The following FMN2 variants were observed in gnomAD, a reference collection of about 807,000 sequenced individuals.
FMN2 encodes the protein formin 2.
A neutral mutation model predicts 142.3 loss-of-function variants in FMN2; 51 were observed. The ratio of observed to expected loss-of-function variants is 0.36; its 90% CI spans 0.29 to 0.45. The LOEUF is 0.45. Among genes scored for constraint, FMN2 ranks in the 20% least tolerant of loss-of-function variants. The pLI, the probability that FMN2 is intolerant of heterozygous loss-of-function variation, is 1.00. For missense variants in FMN2, 1,936 were observed against 2,122.8 expected (o/e 0.91, Z 1.73); for synonymous variants, 882 against 869.8 (o/e 1.01, Z -0.25).
At chr1:240,357,381 A>G (rs1021181027) in intron 14 of FMN2, among the ~76,000 whole-genome samples, 2 of 152,174 alleles carry the variant, frequency 1.3e-5, no homozygotes, top group African/African-American at 4.8e-5. Context: ...TGTTTTCCAT[A>G]CTGAATAGTG....
intron 16 of FMN2, among the ~76,000 whole-genome samples, chr1:240,446,954 G>T (rs945512): frequency 0.76 from 114,937 of 151,986 alleles, 43,459 homozygotes; most frequent in Admixed American, 0.82. Context: ...TTAGAAAAAT[G>T]GAAGGTGTTT....
chr1:240,171,004 C>T, intron 2 of FMN2: 1 of 839,902 alleles, frequency 1.2e-6, no homozygotes, highest in Non-Finnish European at 2.1e-6. Flanking sequence ...GAGAGCAGCA[C>T]TTGAGGCATG....
intron 15 of FMN2, among the ~76,000 whole-genome samples, chr1:240,404,606 A>G (rs988094102): frequency 6.6e-6 from 1 of 152,228 alleles, no homozygotes; most frequent in African/African-American, 2.4e-5. Flanking sequence ...CAGCAGAGCA[A>G]GGCTTCCCAG....
At chr1:240,461,530 G>A (rs528019489) in intron 16 of FMN2, among the ~76,000 whole-genome samples, 1 of 152,272 alleles carries the variant, frequency 6.6e-6, no homozygotes, top group East Asian at 1.9e-4. Flanking sequence ...TCTTCTGTGG[G>A]TGCTCTCTAA....
Position 240,093,009 on chromosome 1 carries a change from G to A in FMN2, c.900G>A (p.Pro300=). Residue 300 remains proline (P), a synonymous_variant, in exon 1 of 18, where the codon CCG becomes CCA. Transcript: ENST00000319653. ...PQQPPSPGGL[P]VSEAPSLPAA... ...AACCGCCGTCCCCCGGCGGCCTCCCGGTCTCCGAGGCGCCCAGTCTCCCGG... is the reference window on the plus strand; with the variant it reads ...AACCGCCGTCCCCCGGCGGCCTCCCAGTCTCCGAGGCGCCCAGTCTCCCGG... 2.1e-6 allele frequency: 3 copies of A among 1,397,330 alleles called. No homozygotes were observed. The East Asian group carries it at 8.8e-5, about 41-fold the overall frequency. The allele number at this position is 1,397,330 out of a possible 1,614,324, so 86.6% of individuals were successfully genotyped here. A position where few individuals can be genotyped will look rare whatever the true frequency, so the allele number is the denominator to read the frequency against.
At chr1:240,209,745 A>G (rs113757198) in intron 5 of FMN2, among the ~76,000 whole-genome samples, 3,389 of 151,408 alleles carry the variant, frequency 0.022, 130 homozygotes, top group African/African-American at 0.077. Flanking sequence ...TCTACTAAAA[A>G]TACAAAAAAT....
In FMN2 at chr1:240,474,248, C is replaced by A; in HGVS notation, c.*94C>A. On this transcript the variant is annotated 3_prime_UTR_variant, in exon 18 of 18. Coordinates refer to ENST00000319653, the MANE Select transcript of FMN2 (RefSeq NM_020066.5). ...GGAGGGAAACTACCGTCATTCTGCT[C>A]ATGTTTCTTCTTGACCTCTTGCATA... The A allele has an allele frequency of 8.6e-7, 1 of 1,161,770 alleles. No individual in the cohort carries two copies. The highest frequency in any genetic ancestry group is 1.6e-5 in the South Asian group (1 of 61,342). The allele number at this position is 1,161,770 out of a possible 1,614,324, so 72.0% of individuals were successfully genotyped here.
rs199926293 is a variant in FMN2, at chr1:240,392,483, A to T, written c.4859-28A>T. ...AGTGTAACAACTTATCATTTATCTC[A>T]TGTACTTTTATTTTCTTGCACTTTC... On this transcript the variant is annotated intron_variant, in intron 14 of 17. Coordinates refer to ENST00000319653, the MANE Select transcript of FMN2 (RefSeq NM_020066.5). 3.7e-4 allele frequency: 587 copies of T among 1,596,774 alleles called. 6 individuals carry two copies. Among genetic ancestry groups the T allele is most frequent in the South Asian group, 2.1e-3 (190 of 89,892 alleles).
At chr1:240,374,248 G>A (rs1572243780) in intron 14 of FMN2, among the ~76,000 whole-genome samples, 1 of 152,196 alleles carries the variant, frequency 6.6e-6, no homozygotes, top group Non-Finnish European at 1.5e-5. Flanking sequence ...ATTCTTATAG[G>A]CTGCAGGATT....
chr1:240,123,186 G>A lies in FMN2; in HGVS notation c.1623G>A (p.Thr541=), dbSNP rs367849953. Residue 541 remains threonine, a synonymous_variant, in exon 2 of 18, where the codon ACG becomes ACA. Transcript: ENST00000319653. The part of the protein sequence containing the change: ...DGFQNVFTGR[T]LLEKLFSQQE... ...ACTGTGTTTCATCTGCAGGGCGAAC[G>A]CTGTTGGAGAAGCTGTTCAGCCAGC... 1.1e-5 allele frequency: 18 copies of A among 1,614,060 alleles called. No individual in the cohort carries two copies. In the African/African-American group the frequency reaches 2.0e-4, roughly 18 times the overall value.
rs759765273 is a variant in FMN2, at chr1:240,207,618, C to A, written c.2806C>A (p.Pro936Thr). 1.7e-6 allele frequency: 2 copies of A among 1,177,122 alleles called. No individual in the cohort carries two copies. Among genetic ancestry groups the A allele is most frequent in the Non-Finnish European group, 2.2e-6 (2 of 900,204 alleles). 72.9% of individuals were successfully genotyped at this position (1,177,122 alleles called of 1,614,324 possible). ...LPGAGILPLP[P>T]LPGAGIPPPP... is the part of the protein sequence containing the mutation. ...CGGAGCAGGCATACTCCCTCTGCCC[C>A]CTCTACCCGGAGCGGGAATACCTCC... is the stretch of plus-strand genomic sequence containing the variant. The change falls in exon 5 of 18, where the codon CCT (proline) becomes ACT (threonine). Residue 936 changes from proline (P) to threonine (T), a missense_variant. Transcript: ENST00000319653.
chr1:240,257,375 G>A (rs1301464810), intron 6 of FMN2, among the ~76,000 whole-genome samples: 1 of 152,072 alleles, frequency 6.6e-6, no homozygotes, highest in East Asian at 1.9e-4. Context: ...CCCAAAATGT[G>A]GGTCAAATGC....
At chr1:240,097,405 G>T (rs1354981996) in intron 1 of FMN2, among the ~76,000 whole-genome samples, 1 of 151,206 alleles carries the variant, frequency 6.6e-6, no homozygotes, top group East Asian at 1.9e-4. Flanking sequence ...GCCCAGGCTG[G>T]AGTGCAGTGG....
At chr1:240,465,344 G>C (rs1336512011) in intron 16 of FMN2, among the ~76,000 whole-genome samples, 2 of 61,990 alleles carry the variant, frequency 3.2e-5, no homozygotes, top group African/African-American at 9.2e-5. Flanking sequence ...GTGTGTGTGT[G>C]TGTGTGTGTG....
chr1:240,221,006 T>C (rs1208664884), intron 6 of FMN2, among the ~76,000 whole-genome samples: 1 of 152,152 alleles, frequency 6.6e-6, no homozygotes, highest in Non-Finnish European at 1.5e-5. Context: ...CTGAGAATGA[T>C]GGTTTCCAGC....
intron 8 of FMN2, among the ~76,000 whole-genome samples, chr1:240,310,625 G>T (rs1430005980): frequency 6.6e-6 from 1 of 152,162 alleles, no homozygotes; most frequent in Non-Finnish European, 1.5e-5. Flanking sequence ...CTGTCATTAA[G>T]TTCAGAGAGT....
At chr1:240,178,179 C>T (rs1175625876) in intron 3 of FMN2, 111 bp downstream of exon 3, 4 of 1,234,818 alleles carry the variant, frequency 3.2e-6, no homozygotes, top group African/African-American at 1.6e-5. Context: ...GCATGGCATT[C>T]AGATATAATC....
intron 7 of FMN2, among the ~76,000 whole-genome samples, chr1:240,279,485 G>A (rs2102935780): frequency 6.6e-6 from 1 of 152,154 alleles, no homozygotes; most frequent in East Asian, 1.9e-4. Context: ...GAACTCTGGA[G>A]AGAATGGAAA....
At chr1:240,193,376 C>A (rs574436428) in intron 4 of FMN2, among the ~76,000 whole-genome samples, 1 of 152,130 alleles carries the variant, frequency 6.6e-6, no homozygotes, top group African/African-American at 2.4e-5. Flanking sequence ...CTTTCACGTA[C>A]ATGAAATGAT....
Sources: gnomAD v4.1 joint callset for allele counts (sites outside exome capture counted in the v4.1 genomes callset) on GRCh38, gnomAD v4.1.1 for gene constraint, MANE v1.5 for transcripts, NCBI Gene and HGNC (gene_info 2026-07-23, HGNC 2026-07-21) for gene names.